Variants in BCAR3 observed in about 807,000 individuals in gnomAD.
BCAR3 encodes breast cancer anti-estrogen resistance protein 3.
BCAR3 carries 37 observed loss-of-function variants against 80.1 expected under a neutral mutation model. The observed-to-expected ratio is 0.46, with a 90% confidence interval of 0.36 to 0.61. The LOEUF is 0.61. Among genes scored for constraint, BCAR3 ranks in the 20% least tolerant of loss-of-function variants. BCAR3 has a pLI of 0.00. For synonymous variants in BCAR3, 389 were observed against 418.9 expected (o/e 0.93, Z 0.87); for missense variants, 978 against 1,068.2 (o/e 0.92, Z 1.18).
Position 93,774,655 on chromosome 1 carries a change from C to A in BCAR3, c.-62-68513G>T, listed in dbSNP as rs534366301. ...AAACCTCTCCTTGGCAAAGCAACGA[C>A]CTGAAGTTATCTATCCCATTCAGGA... On this transcript the variant is annotated intron_variant, in intron 2 of 13. Coordinates refer to the BCAR3 transcript ENST00000370244. 7.9e-5 allele frequency among the ~76,000 whole-genome samples: 12 copies of A among 152,280 alleles called. No individual in the cohort carries two copies. In the South Asian group the frequency reaches 2.5e-3, roughly 32 times the overall value.
At chr1:93,717,922 T>C (rs1033004090) in intron 2 of BCAR3, among the ~76,000 whole-genome samples, 3 of 152,054 alleles carry the variant, frequency 2.0e-5, no homozygotes, top group Non-Finnish European at 2.9e-5. Context: ...CAATTGCAAA[T>C]CTCTTTTATT....
chr1:93,735,681 C>T (rs992445719), intron 2 of BCAR3, among the ~76,000 whole-genome samples: 1 of 152,152 alleles, frequency 6.6e-6, no homozygotes, highest in Admixed American at 6.5e-5. Context: ...TCTTTACAGG[C>T]CCATGAAAAG....
intron 3 of BCAR3, among the ~76,000 whole-genome samples, chr1:93,702,700 G>A (rs1165542059): frequency 6.6e-6 from 1 of 152,304 alleles, no homozygotes; most frequent in African/African-American, 2.4e-5. Context: ...TTTGGAAACC[G>A]CACACCGCCC....
chr1:93,841,222 T>G (rs1476928778), intron 2 of BCAR3, among the ~76,000 whole-genome samples: 7 of 152,224 alleles, frequency 4.6e-5, no homozygotes, highest in African/African-American at 1.7e-4. Flanking sequence ...GCTGTATCTC[T>G]TAAGTCAAGC....
chr1:93,649,884 C>T (rs1194263255), intron 2 of BCAR3, among the ~76,000 whole-genome samples: 1 of 151,116 alleles, frequency 6.6e-6, no homozygotes, highest in African/African-American at 2.4e-5. Context: ...GCACTCTACC[C>T]ACTCTACCCG....
chr1:93,846,839 C>T (rs1035538232), intron 1 of BCAR3: 1 of 473,796 alleles, frequency 2.1e-6, no homozygotes, highest in Admixed American at 2.3e-5. Context: ...CGGGGCGCGT[C>T]GCCCCCCTCA....
At chr1:93,700,196 CT>C (rs893210981) in intron 3 of BCAR3, among the ~76,000 whole-genome samples, 3 of 151,558 alleles carry the variant, frequency 2.0e-5, no homozygotes, top group African/African-American at 4.9e-5. Flanking sequence ...CTAGAAAATT[CT>C]TTTTTTTTCT....
At chr1:93,576,230 G>GAC (rs25569) in intron 7 of BCAR3, 101 bp from the exon 8 acceptor site, 692,894 of 781,142 alleles carry the variant, frequency 0.89, 308,948 homozygotes, top group East Asian at 0.99. Flanking sequence ...CGATGGCGTG[G>GAC]ACACTTTATG....
intron 2 of BCAR3, among the ~76,000 whole-genome samples, chr1:93,650,819 T>C (rs559511632): frequency 6.6e-6 from 1 of 152,176 alleles, no homozygotes; most frequent in South Asian, 2.1e-4. Context: ...AATTTAAAAA[T>C]TCCACTTGTG....
At chr1:93,642,369 G>C in intron 2 of BCAR3, 26 bp from the exon 3 acceptor site, 1 of 1,595,152 alleles carries the variant, frequency 6.3e-7, no homozygotes, top group South Asian at 1.1e-5. Flanking sequence ...ATAAATATGA[G>C]AATGGTTGGG....
At chr1:93,657,308 A>G (rs236289) in intron 2 of BCAR3, among the ~76,000 whole-genome samples, 1,950 of 152,322 alleles carry the variant, frequency 0.013, 40 homozygotes, top group African/African-American at 0.043. Context: ...CTGAAGAAGT[A>G]GTTCAATATC....
chr1:93,646,521 G>C (rs1033856815), intron 2 of BCAR3: 1 of 150,668 alleles, frequency 6.6e-6, no homozygotes, highest in Non-Finnish European at 1.5e-5. Flanking sequence ...AGAATCACTT[G>C]AATCTGGGAG....
intron 2 of BCAR3, among the ~76,000 whole-genome samples, chr1:93,818,463 C>A (rs745816769): frequency 2.0e-5 from 3 of 152,174 alleles, no homozygotes; most frequent in Non-Finnish European, 4.4e-5. Context: ...ACCTGGGCTG[C>A]CTACTGTCGT....
At chr1:93,657,463 C>CA (rs1289419374) in intron 2 of BCAR3, among the ~76,000 whole-genome samples, 2 of 151,924 alleles carry the variant, frequency 1.3e-5, no homozygotes, top group Non-Finnish European at 2.9e-5. Flanking sequence ...CAAAAACAGA[C>CA]AAAGTCAGTA....
At position 93,677,151 on chromosome 1, in the gene BCAR3, C is replaced by T. The variant is rs1648524177; in HGVS notation, c.-11-2210G>A. Among the ~76,000 whole-genome samples, 3 of 152,158 alleles carry T rather than the reference C, an allele frequency of 2.0e-5. No homozygotes were observed. The South Asian group carries it at 6.2e-4, about 32-fold the overall frequency. ...TAAGAGAGAATAATTCATAGAGGCC[C>T]TTATGCTGAAAGGAACAATTAATTT... On this transcript the variant is annotated intron_variant, in intron 1 of 11. Coordinates refer to ENST00000260502, the MANE Select transcript of BCAR3 (RefSeq NM_003567.4).
chr1:93,650,244 G>C (rs1290625327), intron 2 of BCAR3, among the ~76,000 whole-genome samples: 1 of 152,126 alleles, frequency 6.6e-6, no homozygotes, highest in Admixed American at 6.5e-5. Flanking sequence ...AATTAGCTGG[G>C]CGTGGTGGCA....
In BCAR3 at chr1:93,586,352, A is replaced by G. The variant is rs1673941262; in HGVS notation, c.930-2231T>C. ...ATTTCACTTAACATAATGATCTCCA[A>G]TTCCATCCACGTGGTTGCAAATAAC... is the stretch of plus-strand genomic sequence containing the variant. On this transcript the variant is annotated intron_variant, in intron 5 of 11. Coordinates refer to ENST00000260502, the MANE Select transcript of BCAR3 (RefSeq NM_003567.4). This position sits in a 1 kb window ranked among gnomAD's most constrained non-coding sequence, Gnocchi z 4.2. Among the ~76,000 whole-genome samples the G allele has an allele frequency of 6.6e-6, 1 of 152,158 alleles. No homozygotes were observed. The highest frequency in any genetic ancestry group is 2.1e-4 in the South Asian group (1 of 4,820).
chr1:93,828,269 C>A (rs773885219), intron 2 of BCAR3, among the ~76,000 whole-genome samples: 1 of 152,194 alleles, frequency 6.6e-6, no homozygotes, highest in Non-Finnish European at 1.5e-5. Context: ...GCAACCACTG[C>A]CCTCCAGCCT....
chr1:93,790,206 C>T, intron 2 of BCAR3, among the ~76,000 whole-genome samples: 1 of 151,832 alleles, frequency 6.6e-6, no homozygotes, highest in South Asian at 2.1e-4. Flanking sequence ...CAGTGAACAA[C>T]CGAGAGGTTC....
Sources: gnomAD v4.1 joint callset for allele counts (sites outside exome capture counted in the v4.1 genomes callset) on GRCh38, gnomAD v4.1.1 for gene constraint, Gnocchi (gnomAD v3.1) non-coding constraint, MANE v1.5 for transcripts, NCBI Gene and HGNC (gene_info 2026-07-23, HGNC 2026-07-21) for gene names.